The following ACOT1 variants were observed in gnomAD, a reference collection of about 807,000 sequenced individuals.
The protein encoded by ACOT1 is acyl-CoA thioesterase 1, also known as acyl-coenzyme A thioesterase 1.
A neutral mutation model predicts 15.7 loss-of-function variants in ACOT1; 8 were observed. The ratio of observed to expected loss-of-function variants is 0.51; its 90% CI spans 0.30 to 0.92. The LOEUF is 0.92. Among genes scored for constraint, ACOT1 ranks in the 40% least tolerant of loss-of-function variants. ACOT1 has a pLI of 0.06. For missense variants in ACOT1, 151 were observed against 539.4 expected (o/e 0.28, Z 7.13); for synonymous variants, 67 against 241.2 (o/e 0.28, Z 6.69).
chr14:73,527,961 CAAAAAAAAAAA>C, the ACOT1 span, among the ~76,000 whole-genome samples: 7 of 52,678 alleles, frequency 1.3e-4, no homozygotes, highest in Admixed American at 1.1e-3. Flanking sequence ...AACTCCATCT[CAAAAAAAAAAA>C]AAAAAAAAAA....
the ACOT1 span, among the ~76,000 whole-genome samples, chr14:73,510,118 C>G: frequency 3.3e-5 from 5 of 151,554 alleles, no homozygotes; most frequent in Non-Finnish European, 5.9e-5. Flanking sequence ...GCCTCAGCCT[C>G]CCAAAGTGCT....
At chr14:73,522,430 G>C in the ACOT1 span, 1 of 1,614,186 alleles carries the variant, frequency 6.2e-7, no homozygotes, top group Admixed American at 1.7e-5. Flanking sequence ...GACTCCAGTC[G>C]TACTGCTGGC....
At chr14:73,509,437 G>C in the ACOT1 span, 1 of 1,613,974 alleles carries the variant, frequency 6.2e-7, no homozygotes, top group Non-Finnish European at 8.5e-7. Context: ...CTCTAGGGCA[G>C]GCAGTAGAAC....
At chr14:73,493,175 T>C in the ACOT1 span, 1 of 1,481,994 alleles carries the variant, frequency 6.7e-7, no homozygotes, top group Middle Eastern at 1.7e-4. Flanking sequence ...AAACCCTTGA[T>C]CCGTGATCAT....
chr14:73,504,162 C>T, the ACOT1 span, among the ~76,000 whole-genome samples: 2 of 151,318 alleles, frequency 1.3e-5, no homozygotes, highest in African/African-American at 4.9e-5. Flanking sequence ...ACTGCAACCT[C>T]CGCCTCCTGG....
the ACOT1 span, chr14:73,521,172 A>T: frequency 1.3e-6 from 1 of 758,604 alleles, no homozygotes; most frequent in Non-Finnish European, 2.2e-6. Flanking sequence ...CAGAACACCA[A>T]TGTTTAACTT....
At chr14:73,494,224 A>G in the ACOT1 span, among the ~76,000 whole-genome samples, 1 of 152,200 alleles carries the variant, frequency 6.6e-6, no homozygotes, top group Non-Finnish European at 1.5e-5. Flanking sequence ...GATGTACCAG[A>G]AAGAGCACTG....
the ACOT1 span, among the ~76,000 whole-genome samples, chr14:73,504,459 G>A: frequency 1.3e-5 from 2 of 152,156 alleles, no homozygotes; most frequent in Non-Finnish European, 2.9e-5. Context: ...AGCCAGGATG[G>A]TCTCGATCTC....
At chr14:73,499,565 A>G in the ACOT1 span, among the ~76,000 whole-genome samples, 1 of 152,198 alleles carries the variant, frequency 6.6e-6, no homozygotes, top group East Asian at 1.9e-4. Flanking sequence ...TAATTGAAAA[A>G]TGACCTATCA....
chr14:73,514,809 C>T, the ACOT1 span, among the ~76,000 whole-genome samples: 1 of 152,048 alleles, frequency 6.6e-6, no homozygotes, highest in Non-Finnish European at 1.5e-5. Context: ...TGGCTTTTGC[C>T]TGTAATCCCA....
chr14:73,527,689 C>G, the ACOT1 span, among the ~76,000 whole-genome samples: 1 of 151,940 alleles, frequency 6.6e-6, no homozygotes, highest in East Asian at 1.9e-4. Flanking sequence ...TGAAAATACA[C>G]AGTCAGGGCC....
the ACOT1 span, among the ~76,000 whole-genome samples, chr14:73,511,822 T>C: frequency 6.6e-6 from 1 of 152,218 alleles, no homozygotes; most frequent in Non-Finnish European, 1.5e-5. Flanking sequence ...ATTACTGGAC[T>C]AGAAGTCTGG....
chr14:73,502,213 C>T, the ACOT1 span, among the ~76,000 whole-genome samples: 1 of 152,026 alleles, frequency 6.6e-6, no homozygotes, highest in Admixed American at 6.6e-5. Context: ...GTCTTATCCA[C>T]CCTCTGTGAA....
chr14:73,508,043 C>A, the ACOT1 span: 3 of 1,240,724 alleles, frequency 2.4e-6, no homozygotes, highest in East Asian at 7.0e-5. Context: ...ACTGCCCCGG[C>A]CCCAGCTGCA....
chr14:73,492,570 A>G, the ACOT1 span: 1 of 1,613,904 alleles, frequency 6.2e-7, no homozygotes, highest in East Asian at 2.2e-5. The surrounding 1 kb of genome is among the most constrained non-coding windows in gnomAD (Gnocchi z 4.9). Flanking sequence ...ACTGATAGGG[A>G]GAGGGCACTA....
At chr14:73,501,567 CT>C in the ACOT1 span, among the ~76,000 whole-genome samples, 1 of 137,446 alleles carries the variant, frequency 7.3e-6, no homozygotes, top group Non-Finnish European at 1.6e-5. Context: ...CAGTCTCTCT[CT>C]CTTTTTTTTT....
the ACOT1 span, chr14:73,522,376 C>G: frequency 4.3e-6 from 7 of 1,614,240 alleles, no homozygotes; most frequent in African/African-American, 9.3e-5. Flanking sequence ...CCAGCTGTTT[C>G]AGGAGCTCCA....
chr14:73,502,777 G>T, the ACOT1 span: 1 of 739,064 alleles, frequency 1.4e-6, no homozygotes, highest in South Asian at 1.5e-5. Context: ...TCGATCTCCT[G>T]ACCTCGTGAT....
the ACOT1 span, chr14:73,508,136 T>G: frequency 6.2e-7 from 1 of 1,613,968 alleles, no homozygotes; most frequent in Non-Finnish European, 8.5e-7. Context: ...ACACATACTG[T>G]CTTCTCACTC....
Sources: gnomAD v4.1 joint callset for allele counts (sites outside exome capture counted in the v4.1 genomes callset) on GRCh38, gnomAD v4.1.1 for gene constraint, Gnocchi (gnomAD v3.1) non-coding constraint, MANE v1.5 for transcripts, NCBI Gene and HGNC (gene_info 2026-07-23, HGNC 2026-07-21) for gene names.